B4GALNT3: variants seen among roughly 807,000 people sequenced by gnomAD.
B4GALNT3 encodes the protein beta-1,4-N-acetylgalactosaminyltransferase 3.
B4GALNT3 carries 86 observed loss-of-function variants against 120.2 expected under a neutral mutation model. The observed-to-expected ratio is 0.72, with a 90% CI of 0.60 to 0.86. The LOEUF (loss-of-function observed/expected upper bound fraction) is 0.86, where lower values mean the gene tolerates loss of function less well. Among genes scored for constraint, B4GALNT3 ranks in the 40% least tolerant of loss-of-function variants. The pLI, the probability that B4GALNT3 is intolerant of heterozygous loss-of-function variation, is 0.00. For synonymous variants in B4GALNT3, 518 were observed against 510.4 expected (o/e 1.01, Z -0.20); for missense variants, 1,167 against 1,298.9 (o/e 0.90, Z 1.56).
intron 1 of B4GALNT3, among the ~76,000 whole-genome samples, chr12:532,388 A>G (rs991956751): frequency 1.3e-5 from 2 of 152,236 alleles, no homozygotes; most frequent in African/African-American, 4.8e-5. Flanking sequence ...AGAGAAATAG[A>G]ACTGCACACT....
chr12:556,341 C>T (rs1421281868), intron 14 of B4GALNT3, among the ~76,000 whole-genome samples: 1 of 152,170 alleles, frequency 6.6e-6, no homozygotes, highest in African/African-American at 2.4e-5. Context: ...AGGATCATCA[C>T]AGCTCAACAG....
intron 1 of B4GALNT3, among the ~76,000 whole-genome samples, chr12:488,651 T>A (rs117483215): frequency 0.021 from 3,219 of 152,112 alleles, 52 homozygotes; most frequent in Non-Finnish European, 0.032. Flanking sequence ...TACAAAAAAA[T>A]TTAAAAATTA....
chr12:494,819 G>A (rs984649667), intron 1 of B4GALNT3, among the ~76,000 whole-genome samples: 2 of 151,366 alleles, frequency 1.3e-5, no homozygotes, highest in Non-Finnish European at 2.9e-5. Context: ...TAATGTGTGC[G>A]GGGGGGAGTC....
intron 1 of B4GALNT3, among the ~76,000 whole-genome samples, chr12:504,743 T>C (rs1407456897): frequency 6.6e-6 from 1 of 152,116 alleles, no homozygotes; most frequent in Non-Finnish European, 1.5e-5. Flanking sequence ...CCCCACATAC[T>C]GTTATTAATT....
chr12:468,873 C>T (rs1046790410), intron 1 of B4GALNT3, among the ~76,000 whole-genome samples: 17 of 152,316 alleles, frequency 1.1e-4, no homozygotes, highest in Admixed American at 1.0e-3. Flanking sequence ...TCACATTCTG[C>T]TTTGTGGCCA....
intron 1 of B4GALNT3, among the ~76,000 whole-genome samples, chr12:473,931 G>A (rs1452961620): frequency 1.3e-5 from 2 of 152,096 alleles, no homozygotes; most frequent in Admixed American, 1.3e-4. Context: ...AGGATGAGGG[G>A]GCTCTCCCAG....
intron 1 of B4GALNT3, among the ~76,000 whole-genome samples, chr12:518,312 C>G (rs10047534): frequency 0.84 from 128,520 of 152,238 alleles, 54,337 homozygotes; most frequent in African/African-American, 0.87. Flanking sequence ...GTATCCACGA[C>G]GGATTGATTC....
At chr12:510,228 A>G (rs1946532447) in intron 1 of B4GALNT3, among the ~76,000 whole-genome samples, 2 of 152,174 alleles carry the variant, frequency 1.3e-5, no homozygotes, top group East Asian at 3.9e-4. Flanking sequence ...GTGCTGCTGT[A>G]GGGGTAAGAT....
At chr12:555,549 T>G (rs770600652) in intron 14 of B4GALNT3, 148 of 350,006 alleles carry the variant, frequency 4.2e-4, no homozygotes, top group South Asian at 2.4e-3. Context: ...CAATGAACAT[T>G]CATGCACAAG....
At chr12:552,202 G>C in intron 12 of B4GALNT3, 39 bp downstream of exon 12, 1 of 1,543,054 alleles carries the variant, frequency 6.5e-7, no homozygotes, top group Non-Finnish European at 9.0e-7. Context: ...TGACCTTGCA[G>C]AGGGCTCTGC....
At position 460,356 on chromosome 12, in the gene B4GALNT3, C is replaced by G; in HGVS notation, c.-21C>G. On this transcript the variant is annotated 5_prime_UTR_variant, in exon 1 of 20. Coordinates refer to ENST00000266383, the MANE Select transcript of B4GALNT3 (RefSeq NM_173593.4). The surrounding 1 kb of genome is among the most constrained non-coding windows in gnomAD (Gnocchi z 8.0). ...GGGGGGTTGGAGCCCGCGCTGGCGG[C>G]GGCCGCCTCGGCGCAGCGCCATGGG... 3.5e-6 allele frequency: 4 copies of G among 1,132,002 alleles called. No homozygotes were observed. The highest frequency in any genetic ancestry group is 4.3e-6 in the Non-Finnish European group (4 of 924,972). 70.1% of individuals were successfully genotyped at this position (1,132,002 alleles called of 1,614,324 possible). A position where few individuals can be genotyped will look rare whatever the true frequency, so the allele number is the denominator to read the frequency against.
At chr12:547,470 G>T (rs1418087695) in intron 7 of B4GALNT3, among the ~76,000 whole-genome samples, 1 of 152,112 alleles carries the variant, frequency 6.6e-6, no homozygotes, top group African/African-American at 2.4e-5. Flanking sequence ...TATGCACAAG[G>T]GTTACGTATC....
At chr12:476,105 C>T (rs1264963940) in intron 1 of B4GALNT3, among the ~76,000 whole-genome samples, 2 of 152,152 alleles carry the variant, frequency 1.3e-5, no homozygotes, top group African/African-American at 4.8e-5. Context: ...CTTTGATCCC[C>T]GGCTCTTGTC....
Position 561,362 on chromosome 12 carries a change from G to A in B4GALNT3, c.2908G>A (p.Asp970Asn), listed in dbSNP as rs751598508. ...LLDRILQAGL[D>N]VERLSLRNFF... ...CTCCAGGATACTCCAAGCGGGCCTGGACGTGGAGCGTCTCTCCCTCAGGAA... is the reference window on the plus strand; with the variant it reads ...CTCCAGGATACTCCAAGCGGGCCTGAACGTGGAGCGTCTCTCCCTCAGGAA... Residue 970 changes from aspartate to asparagine, a missense_variant, in exon 20 of 20, where the codon GAC (aspartate) becomes AAC (asparagine). This residue lies in a region of B4GALNT3 where 983 missense variants were observed against 1,102.5 expected (regional missense o/e 0.89). Transcript: ENST00000266383. 9 of 1,613,854 alleles carry A rather than the reference G, an allele frequency of 5.6e-6. No homozygotes were observed. Among genetic ancestry groups the A allele is most frequent in the South Asian group, 5.5e-5 (5 of 91,078 alleles).
At chr12:512,090 C>A (rs1946579837) in intron 1 of B4GALNT3, among the ~76,000 whole-genome samples, 1 of 139,188 alleles carries the variant, frequency 7.2e-6, no homozygotes, top group Admixed American at 6.9e-5. Context: ...CTTCGACCTT[C>A]CACCTTCCAC....
intron 1 of B4GALNT3, among the ~76,000 whole-genome samples, chr12:520,161 G>C (rs528771684): frequency 1.2e-3 from 188 of 152,334 alleles, no homozygotes; most frequent in African/African-American, 4.4e-3. Flanking sequence ...ACATGGGATA[G>C]AGGGTTTTGG....
rs971798819 is a variant in B4GALNT3 at position 545,352 on chromosome 12, C to T, written c.539-17C>T. The T allele has an allele frequency of 4.4e-6, 7 of 1,602,252 alleles. No homozygotes were observed. The highest frequency in any genetic ancestry group is 3.4e-5 in the South Asian group (3 of 88,748). ...TGCCCTCCTTGCCCTCATCTGGAAA[C>T]TCTCCCCGCTGCCCAGGGAAAATCC... On this transcript the variant is annotated splice_polypyrimidine_tract_variant and intron_variant, in intron 5 of 19. Transcript: ENST00000266383.
At chr12:558,754 G>T in intron 18 of B4GALNT3, 93 bp downstream of exon 18, 1 of 1,351,968 alleles carries the variant, frequency 7.4e-7, no homozygotes. Context: ...ATGAGCGTCA[G>T]CATCCTCCTC....
chr12:461,168 G>C (rs1002106215), intron 1 of B4GALNT3, among the ~76,000 whole-genome samples: 2 of 151,796 alleles, frequency 1.3e-5, no homozygotes, highest in Non-Finnish European at 2.9e-5. Context: ...CCACCTCCTC[G>C]CTGCGCCCTC....
Sources: allele counts gnomAD v4.1 joint callset (sites outside exome capture counted in the v4.1 genomes callset), GRCh38; gene constraint gnomAD v4.1.1; regional missense constraint gnomAD v4.1.1; non-coding constraint Gnocchi (gnomAD v3.1); transcripts MANE v1.5; gene names NCBI Gene and HGNC (gene_info 2026-07-23, HGNC 2026-07-21).